Variants in BTBD9 observed in about 807,000 individuals in gnomAD.
BTBD9 encodes BTB domain containing 9.
A neutral mutation model predicts 64.3 loss-of-function variants in BTBD9; 49 were observed. That is an observed-to-expected ratio of 0.76 (90% confidence interval 0.61 to 0.97). The LOEUF is 0.97. BTBD9 is among the 50% of genes least tolerant of loss of function. BTBD9 has a pLI of 0.00. For missense variants in BTBD9, 598 were observed against 762.1 expected, an observed-to-expected ratio of 0.78 and a Z score of 2.53; for synonymous variants, 260 against 274.7, an observed-to-expected ratio of 0.95 and a Z score of 0.53.
At chr6:38,303,874 T>TATATATATATATACATAC (rs368257334) in intron 7 of BTBD9, among the ~76,000 whole-genome samples, 1 of 82,648 alleles carries the variant, frequency 1.2e-5, no homozygotes, top group South Asian at 4.2e-4. Flanking sequence ...TATATATATA[T>TATATATATATATACATAC]ACACACACAC....
At chr6:38,630,736 C>A (rs1778334947) in intron 1 of BTBD9, among the ~76,000 whole-genome samples, 1 of 152,132 alleles carries the variant, frequency 6.6e-6, no homozygotes, top group East Asian at 1.9e-4. Flanking sequence ...AAAATATAAA[C>A]CTAACTGCAA....
chr6:38,513,288 A>G (rs1003359967), intron 6 of BTBD9, among the ~76,000 whole-genome samples: 4 of 152,140 alleles, frequency 2.6e-5, no homozygotes, highest in African/African-American at 9.7e-5. Context: ...TCTACTAAAA[A>G]TACAAAAAAA....
chr6:38,309,243 G>A (rs139408932), intron 7 of BTBD9, among the ~76,000 whole-genome samples: 2,694 of 150,768 alleles, frequency 0.018, 31 homozygotes, highest in Middle Eastern at 0.041. Flanking sequence ...GGTGGTGGGC[G>A]CCTATAATCC....
intron 6 of BTBD9, among the ~76,000 whole-genome samples, chr6:38,447,204 T>C (rs763637019): frequency 2.0e-5 from 3 of 152,116 alleles, no homozygotes; most frequent in Non-Finnish European, 4.4e-5. Context: ...GAGTGAAGAC[T>C]CAAAAAAATC....
intron 6 of BTBD9, among the ~76,000 whole-genome samples, chr6:38,492,654 A>G (rs1251903760): frequency 6.6e-6 from 1 of 152,216 alleles, no homozygotes; most frequent in Non-Finnish European, 1.5e-5. Flanking sequence ...TAAGAGAACT[A>G]TTTTGTGTGT....
chr6:38,259,846 G>A (rs924047913), intron 8 of BTBD9, among the ~76,000 whole-genome samples: 4 of 152,048 alleles, frequency 2.6e-5, no homozygotes, highest in East Asian at 1.9e-4. Context: ...TCTTTAATAC[G>A]CCTGAGTGTT....
At chr6:38,583,071 T>C (rs1776364140) in intron 4 of BTBD9, among the ~76,000 whole-genome samples, 1 of 152,182 alleles carries the variant, frequency 6.6e-6, no homozygotes, top group African/African-American at 2.4e-5. Context: ...GCTATTCAGA[T>C]ATCAATGATG....
At chr6:38,250,888 T>C (rs1764370764) in intron 9 of BTBD9, among the ~76,000 whole-genome samples, 1 of 152,048 alleles carries the variant, frequency 6.6e-6, no homozygotes, top group African/African-American at 2.4e-5. Flanking sequence ...CTGACCAACG[T>C]AGGGAAACCC....
intron 6 of BTBD9, among the ~76,000 whole-genome samples, chr6:38,427,324 C>T (rs1483639496): frequency 1.3e-5 from 2 of 151,698 alleles, no homozygotes; most frequent in South Asian, 2.1e-4. Flanking sequence ...ACCTCCATTT[C>T]GAAAAAGGAA....
At chr6:38,389,040 C>T (rs1326344984) in intron 6 of BTBD9, among the ~76,000 whole-genome samples, 1 of 152,200 alleles carries the variant, frequency 6.6e-6, no homozygotes, top group Non-Finnish European at 1.5e-5. Context: ...AAACTCTCTA[C>T]TAGATCTTCT....
chr6:38,408,181 A>AC (rs1385917164), intron 6 of BTBD9, among the ~76,000 whole-genome samples: 14 of 152,010 alleles, frequency 9.2e-5, no homozygotes, highest in East Asian at 7.7e-4. Context: ...ACACAGTGAG[A>AC]CCCCCATCTC....
At chr6:38,379,099 T>C (rs1765819165) in intron 6 of BTBD9, among the ~76,000 whole-genome samples, 1 of 152,154 alleles carries the variant, frequency 6.6e-6, no homozygotes, top group African/African-American at 2.4e-5. Context: ...GGTCATCTGC[T>C]GATCCCCGGT....
chr6:38,327,763 GC>G (rs745551067), intron 7 of BTBD9, among the ~76,000 whole-genome samples: 1 of 152,138 alleles, frequency 6.6e-6, no homozygotes, highest in African/African-American at 2.4e-5. Flanking sequence ...AGATTAGTTT[GC>G]ATTACTTAGA....
chr6:38,627,280 A>T (rs1032404580), intron 1 of BTBD9, among the ~76,000 whole-genome samples: 2 of 152,180 alleles, frequency 1.3e-5, no homozygotes, highest in Non-Finnish European at 2.9e-5. Context: ...AAATTCTCAT[A>T]ATCCAAATTA....
At chr6:38,297,674 T>G (rs148953017) in intron 7 of BTBD9, among the ~76,000 whole-genome samples, 108 of 152,298 alleles carry the variant, frequency 7.1e-4, no homozygotes, top group African/African-American at 2.6e-3. Flanking sequence ...ATAATAGATT[T>G]TTAAAAGATT....
chr6:38,168,890 C>G lies in BTBD9; in HGVS notation c.*6095G>C, dbSNP rs1387701532. The G allele has an allele frequency of 2.0e-5, 3 of 152,364 alleles. No individual in the cohort carries two copies. The highest frequency in any genetic ancestry group is 4.4e-5 in the Non-Finnish European group (3 of 68,136). 9.4% of individuals were successfully genotyped at this position (152,364 alleles called of 1,614,324 possible). ...CCTGGCGCCCCTCCAGAGTCTCACG[C>G]TTCTCCAGGCACTGGGGGGTGGGGA... is the stretch of plus-strand genomic sequence containing the variant. On this transcript the variant is annotated 3_prime_UTR_variant, in exon 11 of 11. Transcript: ENST00000481247.
rs938545294 is a variant in BTBD9, at chr6:38,192,416, G to A, written c.1641+103C>T. On this transcript the variant is annotated intron_variant, in intron 10 of 10. Coordinates refer to ENST00000481247, the MANE Select transcript of BTBD9 (RefSeq NM_001099272.2). Reference sequence around the variant, plus strand: ...TCCACACCAAGCTGTCTGAATAGCAGGCCATTAGCAGGCAGAACAAACAAT... The same window carrying A: ...TCCACACCAAGCTGTCTGAATAGCAAGCCATTAGCAGGCAGAACAAACAAT... The A allele has an allele frequency of 2.9e-5, 30 of 1,022,606 alleles. No individual in the cohort carries two copies. The African/African-American group carries it at 4.1e-4, about 14-fold the overall frequency. The allele number at this position is 1,022,606 out of a possible 1,614,324, so 63.3% of individuals were successfully genotyped here. A position where few individuals can be genotyped will look rare whatever the true frequency, so the allele number is the denominator to read the frequency against.
At chr6:38,552,545 T>C (rs1315380700) in intron 6 of BTBD9, among the ~76,000 whole-genome samples, 1 of 151,928 alleles carries the variant, frequency 6.6e-6, no homozygotes, top group African/African-American at 2.4e-5. Context: ...TTTGGGAGGA[T>C]CACCTGACGT....
intron 6 of BTBD9, among the ~76,000 whole-genome samples, chr6:38,456,951 A>G: frequency 6.6e-6 from 1 of 152,242 alleles, no homozygotes; most frequent in East Asian, 1.9e-4. Flanking sequence ...TGACATGATA[A>G]AGATAGAGTT....
Sources: allele counts gnomAD v4.1 joint callset (sites outside exome capture counted in the v4.1 genomes callset), GRCh38; gene constraint gnomAD v4.1.1; transcripts MANE v1.5; gene names NCBI Gene and HGNC (gene_info 2026-07-23, HGNC 2026-07-21).